NR3C2: variants seen among roughly 807,000 people sequenced by gnomAD.
NR3C2 encodes the protein nuclear receptor subfamily 3 group C member 2, also known as mineralocorticoid receptor.
NR3C2 carries 15 observed loss-of-function variants against 86.4 expected under a neutral mutation model. The observed-to-expected ratio is 0.17, with a 90% CI of 0.12 to 0.27. The LOEUF is 0.27. NR3C2 is among the 10% of genes least tolerant of loss of function. NR3C2 has a pLI of 1.00. For synonymous variants in NR3C2, 458 were observed against 450.5 expected (o/e 1.02, Z -0.21); for missense variants, 960 against 1,195.6 (o/e 0.80, Z 2.91).
rs1169772966 is a variant in NR3C2 at position 148,274,086 on chromosome 4, A to AG, written c.1758-13970dup. On this transcript the variant is annotated intron_variant, in intron 2 of 8. Coordinates refer to ENST00000358102, the MANE Select transcript of NR3C2 (RefSeq NM_000901.5). ...GACAGGTAATAAAAGGCAGCTCATG[A>AG]GAAAAAAAAAAAAAAGGTAATACAG... is the stretch of plus-strand genomic sequence containing the variant. 1.6e-3 allele frequency among the ~76,000 whole-genome samples: 236 copies of AG among 148,452 alleles called. 1 individual carries two copies. Among genetic ancestry groups the AG allele is most frequent in the African/African-American group, 5.8e-3 (222 of 38,532 alleles).
intron 4 of NR3C2, among the ~76,000 whole-genome samples, chr4:148,174,061 T>C (rs949640301): frequency 2.0e-5 from 3 of 152,158 alleles, no homozygotes; most frequent in Non-Finnish European, 4.4e-5. Context: ...ATCCCATTCG[T>C]TTTGAATTTC....
intron 2 of NR3C2, among the ~76,000 whole-genome samples, chr4:148,372,597 T>C (rs1021847061): frequency 5.3e-5 from 8 of 152,218 alleles, no homozygotes; most frequent in Admixed American, 3.3e-4. Flanking sequence ...ACAGCAACTT[T>C]ATTTTAAATA....
chr4:148,214,284 C>T (rs747772105), intron 3 of NR3C2, among the ~76,000 whole-genome samples: 1 of 152,066 alleles, frequency 6.6e-6, no homozygotes, highest in Non-Finnish European at 1.5e-5. Flanking sequence ...AAAGTTGGGC[C>T]TTAAGCTAAG....
At chr4:148,394,986 G>T (rs570234236) in intron 2 of NR3C2, among the ~76,000 whole-genome samples, 1 of 152,046 alleles carries the variant, frequency 6.6e-6, no homozygotes, top group Non-Finnish European at 1.5e-5. Context: ...TGTAGTGGGG[G>T]AAACAGTCCA....
chr4:148,422,031 CT>C (rs1351830937), intron 2 of NR3C2, among the ~76,000 whole-genome samples: 1 of 152,056 alleles, frequency 6.6e-6, no homozygotes, highest in Non-Finnish European at 1.5e-5. Context: ...AATGTAGGAG[CT>C]TTAGGTTTTC....
intron 1 of NR3C2, among the ~76,000 whole-genome samples, chr4:148,439,244 G>A (rs1459218309): frequency 6.6e-6 from 1 of 152,086 alleles, no homozygotes. Context: ...TTCTACCTAA[G>A]AATATTTTGT....
At chr4:148,157,177 G>C in intron 4 of NR3C2, among the ~76,000 whole-genome samples, 1 of 99,370 alleles carries the variant, frequency 1.0e-5, no homozygotes, top group East Asian at 3.7e-4. Context: ...AGGGGGGAGG[G>C]ATAGCATTAG....
chr4:148,416,519 A>G (rs1749010644), intron 2 of NR3C2, among the ~76,000 whole-genome samples: 1 of 152,226 alleles, frequency 6.6e-6, no homozygotes. Flanking sequence ...AACTGAGGAC[A>G]CCTGGCTGAA....
intron 6 of NR3C2, among the ~76,000 whole-genome samples, chr4:148,145,703 C>T (rs918867832): frequency 2.6e-5 from 4 of 152,158 alleles, no homozygotes; most frequent in African/African-American, 7.2e-5. Context: ...GTCAGGCTGT[C>T]GGCTGCAGGC....
intron 4 of NR3C2, among the ~76,000 whole-genome samples, chr4:148,181,643 C>T (rs1735650632): frequency 6.6e-6 from 1 of 152,182 alleles, no homozygotes; most frequent in Non-Finnish European, 1.5e-5. Flanking sequence ...GCAGAAAATT[C>T]TCATGTACAG....
chr4:148,117,670 T>A (rs1732333437), intron 7 of NR3C2, among the ~76,000 whole-genome samples: 1 of 152,200 alleles, frequency 6.6e-6, no homozygotes, highest in Non-Finnish European at 1.5e-5. Flanking sequence ...ATGTTACCCA[T>A]GTCACCACTG....
chr4:148,271,811 A>C (rs1740699779), intron 2 of NR3C2, among the ~76,000 whole-genome samples: 1 of 152,152 alleles, frequency 6.6e-6, no homozygotes, highest in Admixed American at 6.6e-5. Context: ...GACTATTTAG[A>C]TATTTGCCAG....
At chr4:148,123,778 G>A (rs1395588524) in intron 6 of NR3C2, among the ~76,000 whole-genome samples, 5 of 152,316 alleles carry the variant, frequency 3.3e-5, no homozygotes, top group Admixed American at 2.6e-4. Flanking sequence ...TACACCTTAA[G>A]TTATCATTGT....
intron 2 of NR3C2, among the ~76,000 whole-genome samples, chr4:148,301,361 T>C (rs543640631): frequency 1.8e-4 from 27 of 152,338 alleles, no homozygotes; most frequent in Admixed American, 2.6e-4. Context: ...ACCTTAAGAT[T>C]ATGGGTAAAA....
In NR3C2 at chr4:148,436,740, T is replaced by C. The variant is rs1215569597; in HGVS notation, c.121A>G (p.Asn41Asp). 1 of 1,614,190 alleles carries C rather than the reference T, an allele frequency of 6.2e-7. No individual in the cohort carries two copies. Among genetic ancestry groups the C allele is most frequent in the Non-Finnish European group, 8.5e-7 (1 of 1,180,032 alleles). The change falls in exon 2 of 9, where the codon AAC becomes GAC. Residue 41 changes from asparagine to aspartate, a missense_variant. Physicochemically the swap from Asn to Asp is conservative, Grantham distance 23. Transcript: ENST00000358102. Reference protein sequence around the residue: ...LGPTERTDENNYMEIVNVSCV... With the variant: ...LGPTERTDENDYMEIVNVSCV... ...CTTACGTTGACAATCTCCATGTAGTTATTCTCATCGGTCCTCTCTGTAGGT... is the reference window on the plus strand; with the variant it reads ...CTTACGTTGACAATCTCCATGTAGTCATTCTCATCGGTCCTCTCTGTAGGT...
intron 4 of NR3C2, among the ~76,000 whole-genome samples, chr4:148,176,542 C>T (rs534153107): frequency 6.6e-6 from 1 of 152,276 alleles, no homozygotes; most frequent in South Asian, 2.1e-4. Flanking sequence ...AGATAGAAGT[C>T]AAGGAGTTAC....
At chr4:148,259,633 G>A (rs903068130) in intron 3 of NR3C2, among the ~76,000 whole-genome samples, 1 of 152,142 alleles carries the variant, frequency 6.6e-6, no homozygotes, top group Non-Finnish European at 1.5e-5. Flanking sequence ...CAGAAATCAT[G>A]TATTCTGTGT....
chr4:148,276,588 G>T (rs1740971797), intron 2 of NR3C2, among the ~76,000 whole-genome samples: 1 of 152,090 alleles, frequency 6.6e-6, no homozygotes, highest in Non-Finnish European at 1.5e-5. Context: ...TCTAGAAAAA[G>T]GGCTATTGTC....
At chr4:148,200,622 G>C (rs1265921255) in intron 3 of NR3C2, among the ~76,000 whole-genome samples, 1 of 152,116 alleles carries the variant, frequency 6.6e-6, no homozygotes, top group Non-Finnish European at 1.5e-5. Context: ...CTTTAGAGAA[G>C]TTACTTAGCC....
Sources: gnomAD v4.1 joint callset for allele counts (sites outside exome capture counted in the v4.1 genomes callset) on GRCh38, gnomAD v4.1.1 for gene constraint, MANE v1.5 for transcripts, NCBI Gene and HGNC (gene_info 2026-07-23, HGNC 2026-07-21) for gene names.